The following SETDB2 variants were observed in gnomAD, a reference collection of about 807,000 sequenced individuals.
SETDB2 encodes the protein histone-lysine N-methyltransferase SETDB2.
SETDB2 carries 56 observed loss-of-function variants against 82.5 expected under a neutral mutation model. The observed-to-expected ratio is 0.68, with a 90% CI of 0.55 to 0.85. The LOEUF (loss-of-function observed/expected upper bound fraction) is 0.85, where lower values mean the gene tolerates loss of function less well. Ranked by LOEUF, SETDB2 falls within the 40% of genes least tolerant of loss-of-function variation. SETDB2 has a pLI of 0.00. For missense variants in SETDB2, 677 were observed against 816.4 expected (o/e 0.83, Z 2.08); for synonymous variants, 272 against 284.9 (o/e 0.95, Z 0.46).
chr13:49,454,447 C>G (rs1957841994), intron 2 of SETDB2, among the ~76,000 whole-genome samples: 1 of 151,948 alleles, frequency 6.6e-6, no homozygotes, highest in Non-Finnish European at 1.5e-5. Flanking sequence ...TAACCCATCC[C>G]CAGGTAGGAA....
intron 2 of SETDB2, among the ~76,000 whole-genome samples, chr13:49,458,202 G>A (rs1223680331): frequency 6.6e-6 from 1 of 152,158 alleles, no homozygotes; most frequent in Non-Finnish European, 1.5e-5. Flanking sequence ...TCTCGCCTCA[G>A]CCTCCTGAGT....
chr13:49,450,367 G>A (rs1957764158), intron 1 of SETDB2, among the ~76,000 whole-genome samples: 1 of 151,982 alleles, frequency 6.6e-6, no homozygotes, highest in African/African-American at 2.4e-5. Flanking sequence ...AGTCTGTTCT[G>A]TCATTCAGTC....
At chr13:49,465,072 TAA>T (rs11404262) in intron 4 of SETDB2, among the ~76,000 whole-genome samples, 2 of 142,266 alleles carry the variant, frequency 1.4e-5, no homozygotes, top group Non-Finnish European at 1.5e-5. Flanking sequence ...AGACCCTGTC[TAA>T]AAAAAAAAAA....
At chr13:49,471,913 C>CATATATATATATATATATATAT (rs1232849321) in intron 5 of SETDB2, among the ~76,000 whole-genome samples, 3 of 107,752 alleles carry the variant, frequency 2.8e-5, no homozygotes, top group African/African-American at 3.7e-5. Flanking sequence ...TCTCATGTGA[C>CATATATATATATATATATATAT]ATATATATAT....
chr13:49,487,247 C>T (rs564217614), intron 11 of SETDB2, among the ~76,000 whole-genome samples: 38 of 152,234 alleles, frequency 2.5e-4, no homozygotes, highest in African/African-American at 4.6e-4. Flanking sequence ...AATTTCTTTG[C>T]GCCATTGAAT....
chr13:49,457,863 A>T (rs1258118166), intron 2 of SETDB2, among the ~76,000 whole-genome samples: 2 of 152,204 alleles, frequency 1.3e-5, no homozygotes, highest in African/African-American at 4.8e-5. Flanking sequence ...ACCAAAAGCT[A>T]TTTTTAAATA....
chr13:49,493,666 T>C lies in SETDB2; in HGVS notation c.*1817T>C, dbSNP rs1396986162. 6.6e-6 allele frequency: 1 copy of C among 152,208 alleles called. No individual in the cohort carries two copies. Among genetic ancestry groups the C allele is most frequent in the Non-Finnish European group, 1.5e-5 (1 of 68,042 alleles). 9.4% of individuals were successfully genotyped at this position (152,208 alleles called of 1,614,324 possible). A position where few individuals can be genotyped will look rare whatever the true frequency, so the allele number is the denominator to read the frequency against. On this transcript the variant is annotated 3_prime_UTR_variant, in exon 14 of 14. Coordinates refer to ENST00000611815, the MANE Select transcript of SETDB2 (RefSeq NM_001160308.3). ...ATCTCTGTGTGTTTGACAATGTCTT[T>C]ATTTTACCCTTATACCTGATTGCTG...
intron 1 of SETDB2, among the ~76,000 whole-genome samples, chr13:49,447,262 A>T (rs1018461656): frequency 6.6e-6 from 1 of 151,916 alleles, no homozygotes; most frequent in African/African-American, 2.4e-5. Flanking sequence ...TTTTGTTGCT[A>T]TTGTTAAAAT....
chr13:49,461,130 C>T lies in SETDB2; in HGVS notation c.176C>T (p.Ala59Val). Residue 59 changes from alanine to valine, a missense_variant, in exon 4 of 14, where the codon GCA becomes GTA. By Grantham distance (64) the Ala-to-Val change is moderately conservative. Around this residue, in one of 3 missense-constraint regions of SETDB2, gnomAD observed 243 missense variants for 237.2 expected, o/e 1.02. Transcript: ENST00000611815. ...YIQAMILVNE[A>V]TIINSSTSIK... is the part of the protein sequence containing the mutation. ...CAAGCAATGATTCTAGTGAATGAAG[C>T]AACTATAATTAACAGTTCAACATCA... The T allele has an allele frequency of 1.2e-6, 2 of 1,611,056 alleles. No homozygotes were observed. The highest frequency in any genetic ancestry group is 1.7e-6 in the Non-Finnish European group (2 of 1,177,722).
chr13:49,469,688 T>C (rs1241729255), intron 5 of SETDB2, among the ~76,000 whole-genome samples: 3 of 152,150 alleles, frequency 2.0e-5, no homozygotes, highest in East Asian at 1.9e-4. Flanking sequence ...AGTATTATTT[T>C]ATTTTTAATT....
chr13:49,478,881 T>G (rs1232031961), intron 6 of SETDB2, among the ~76,000 whole-genome samples: 1 of 152,032 alleles, frequency 6.6e-6, no homozygotes, highest in African/African-American at 2.4e-5. Context: ...GAGCCAAGAT[T>G]GCGCCACTGC....
At chr13:49,485,959 A>G in intron 11 of SETDB2, 1 of 621,530 alleles carries the variant, frequency 1.6e-6, no homozygotes, top group South Asian at 1.8e-5. Context: ...TAAATAGTTG[A>G]AAAAAATCAG....
At chr13:49,449,956 C>T (rs1332960774) in intron 1 of SETDB2, among the ~76,000 whole-genome samples, 2 of 152,004 alleles carry the variant, frequency 1.3e-5, no homozygotes, top group African/African-American at 4.8e-5. Context: ...TTTTTTTCAT[C>T]TTTAGTATGG....
rs1958724791 is a variant in SETDB2, at chr13:49,492,106, A to T, written c.*257A>T. The T allele has an allele frequency of 5.8e-6, 2 of 342,306 alleles. No individual in the cohort carries two copies. The highest frequency in any genetic ancestry group is 1.3e-4 in the East Asian group (2 of 15,804). 21.2% of individuals were successfully genotyped at this position (342,306 alleles called of 1,614,324 possible). ...TGGAAGTGTATATTTTATATGAAATACCACTGTACAATTTATAATTTATTT... is the reference window on the plus strand; with the variant it reads ...TGGAAGTGTATATTTTATATGAAATTCCACTGTACAATTTATAATTTATTT... On this transcript the variant is annotated 3_prime_UTR_variant, in exon 14 of 14. Coordinates refer to ENST00000611815, the MANE Select transcript of SETDB2 (RefSeq NM_001160308.3).
At chr13:49,491,678 C>A in intron 13 of SETDB2, 54 bp from the exon 14 acceptor site, 1 of 1,261,846 alleles carries the variant, frequency 7.9e-7, no homozygotes, top group South Asian at 1.2e-5. Flanking sequence ...TAATTTGGTT[C>A]ATTGGTAGTT....
chr13:49,474,559 G>A (rs537835835), intron 5 of SETDB2, among the ~76,000 whole-genome samples: 5 of 152,340 alleles, frequency 3.3e-5, no homozygotes, highest in South Asian at 2.1e-4. Context: ...TTATAGCAAA[G>A]ATTATTACAA....
rs575064113 is a variant in SETDB2, at chr13:49,448,922, G to C, written c.-341-2631G>C. On this transcript the variant is annotated intron_variant, in intron 1 of 13. Coordinates refer to ENST00000611815, the MANE Select transcript of SETDB2 (RefSeq NM_001160308.3). ...AGAGTGATGTTATTTGTACATAAAG[G>C]GTCATGAATATTAAATCTGGTGAAT... Among the ~76,000 whole-genome samples, 5 of 152,106 alleles carry C rather than the reference G, an allele frequency of 3.3e-5. No individual in the cohort carries two copies. In the South Asian group the frequency reaches 1.0e-3, roughly 32 times the overall value.
At position 49,488,606 on chromosome 13, in the gene SETDB2, A is replaced by G. The variant is rs776762982; in HGVS notation, c.1893A>G (p.Glu631=). ...GNVFLLDATK[E]GNVGRFLNHS... is the part of the protein sequence containing the mutation. Reference sequence around the variant, plus strand: ...TGTTTTTATTGGATGCCACAAAAGAAGGAAATGTCGGCCGCTTCCTTAATG... The same window carrying G: ...TGTTTTTATTGGATGCCACAAAAGAGGGAAATGTCGGCCGCTTCCTTAATG... The change falls in exon 12 of 14, where the codon GAA becomes GAG. Residue 631 remains glutamate (E), a synonymous_variant. Coordinates refer to ENST00000611815, the MANE Select transcript of SETDB2 (RefSeq NM_001160308.3). The G allele has an allele frequency of 6.3e-7, 1 of 1,599,530 alleles. No homozygotes were observed. Among genetic ancestry groups the G allele is most frequent in the East Asian group, 2.2e-5 (1 of 44,768 alleles).
chr13:49,451,922 AC>A lies in SETDB2; in HGVS notation c.16+14del, dbSNP rs776062937. The A allele has an allele frequency of 5.3e-5, 83 of 1,568,228 alleles. No homozygotes were observed. Among genetic ancestry groups the A allele is most frequent in the Non-Finnish European group, 6.8e-5 (78 of 1,146,852 alleles). ...GGAGAAAAAAATGGTAGGTTGAAGAACACACTGTTACACTTTATATCTAAAA... is the reference window on the plus strand; with the variant it reads ...GGAGAAAAAAATGGTAGGTTGAAGAAACACTGTTACACTTTATATCTAAAA... On this transcript the variant is annotated intron_variant, in intron 2 of 13. Coordinates refer to ENST00000611815, the MANE Select transcript of SETDB2 (RefSeq NM_001160308.3).
Sources: allele counts gnomAD v4.1 joint callset (sites outside exome capture counted in the v4.1 genomes callset), GRCh38; gene constraint gnomAD v4.1.1; regional missense constraint gnomAD v4.1.1; transcripts MANE v1.5; gene names NCBI Gene and HGNC (gene_info 2026-07-23, HGNC 2026-07-21).